PRKG1: variants seen among roughly 807,000 people sequenced by gnomAD.
PRKG1 encodes cGMP-dependent protein kinase 1.
PRKG1 carries 35 observed loss-of-function variants against 88.1 expected under a neutral mutation model. That is an observed-to-expected ratio of 0.40 (90% CI 0.30 to 0.53). PRKG1 has a LOEUF of 0.53. Among genes scored for constraint, PRKG1 ranks in the 20% least tolerant of loss-of-function variants. The pLI, the probability that PRKG1 is intolerant of heterozygous loss-of-function variation, is 0.59. For synonymous variants in PRKG1, 303 were observed against 292.5 expected (o/e 1.04, Z -0.37); for missense variants, 540 against 839.8 (o/e 0.64, Z 4.41).
chr10:52,168,300 T>G lies in PRKG1; in HGVS notation c.1076+6337T>G, dbSNP rs80019424. Among the ~76,000 whole-genome samples, 489 of 152,252 alleles carry G rather than the reference T, an allele frequency of 3.2e-3. 15 individuals are homozygous for G. The South Asian group carries it at 0.044, about 14-fold the overall frequency. ...CTGGCTAGGCAAGAATTAGTTGGTATTAGTTAAGCAAGGAGGTATGGAGAG... is the reference window on the plus strand; with the variant it reads ...CTGGCTAGGCAAGAATTAGTTGGTAGTAGTTAAGCAAGGAGGTATGGAGAG... On this transcript the variant is annotated intron_variant, in intron 9 of 17. Coordinates refer to ENST00000373980, the MANE Select transcript of PRKG1 (RefSeq NM_006258.4).
At chr10:52,229,486 G>A (rs992734495) in intron 9 of PRKG1, among the ~76,000 whole-genome samples, 10 of 152,152 alleles carry the variant, frequency 6.6e-5, no homozygotes, top group Admixed American at 6.5e-4. Context: ...TAAGCCCCAG[G>A]AAAATGGAAG....
intron 6 of PRKG1, among the ~76,000 whole-genome samples, chr10:52,060,159 G>A (rs1388849983): frequency 6.6e-6 from 1 of 151,860 alleles, no homozygotes; most frequent in Non-Finnish European, 1.5e-5. Flanking sequence ...ACTTGATTTA[G>A]GATGGCATGG....
chr10:51,001,883 T>C (rs1235332826), intron 1 of PRKG1, among the ~76,000 whole-genome samples: 1 of 152,200 alleles, frequency 6.6e-6, no homozygotes, highest in African/African-American at 2.4e-5. Flanking sequence ...TTAAAATATA[T>C]TGTCAAATAT....
In PRKG1 at chr10:51,546,510, T is replaced by C. The variant is rs555579270; in HGVS notation, c.592+78674T>C. On this transcript the variant is annotated intron_variant, in intron 3 of 17. Transcript: ENST00000373980. Reference sequence around the variant, plus strand: ...TTGAAATACTGGTTTGAAAATGTAATTGGTCTTTATTTAAACTGAGACAAG... The same window carrying C: ...TTGAAATACTGGTTTGAAAATGTAACTGGTCTTTATTTAAACTGAGACAAG... Among the ~76,000 whole-genome samples the C allele has an allele frequency of 2.0e-5, 3 of 152,208 alleles. No individual in the cohort carries two copies. In the South Asian group the frequency reaches 6.2e-4, roughly 32 times the overall value.
intron 5 of PRKG1, among the ~76,000 whole-genome samples, chr10:51,954,625 G>C (rs570063938): frequency 8.5e-4 from 129 of 152,256 alleles, no homozygotes; most frequent in African/African-American, 2.9e-3. Flanking sequence ...TCTGAACATA[G>C]ACGCCCACTT....
intron 2 of PRKG1, among the ~76,000 whole-genome samples, chr10:51,278,319 G>T (rs11595919): frequency 1.3e-5 from 2 of 152,032 alleles, no homozygotes. Flanking sequence ...TGATCATGTT[G>T]GATAAGCTTT....
chr10:51,480,643 A>G (rs1359968831), intron 3 of PRKG1, among the ~76,000 whole-genome samples: 1 of 152,144 alleles, frequency 6.6e-6, no homozygotes, highest in Non-Finnish European at 1.5e-5. Context: ...AGCAGCCGTG[A>G]ACCTTGACTT....
chr10:52,108,359 G>C (rs149109570), intron 7 of PRKG1, among the ~76,000 whole-genome samples: 2 of 152,200 alleles, frequency 1.3e-5, no homozygotes, highest in African/African-American at 4.8e-5. Flanking sequence ...AGAAATTCAT[G>C]TCTACATGTT....
rs527321520 is a variant in PRKG1 at position 52,018,980 on chromosome 10, G to T, written c.763-35504G>T. Reference sequence around the variant, plus strand: ...GCTTGGATAATTTATGAAGAAAAGGGTTCATTTTTCTTATGATTCTGGACA... The same window carrying T: ...GCTTGGATAATTTATGAAGAAAAGGTTTCATTTTTCTTATGATTCTGGACA... On this transcript the variant is annotated intron_variant, in intron 5 of 17. Coordinates refer to ENST00000373980, the MANE Select transcript of PRKG1 (RefSeq NM_006258.4). Among the ~76,000 whole-genome samples, 552 of 152,224 alleles carry T rather than the reference G, an allele frequency of 3.6e-3. 1 individual carries two copies. The highest frequency in any genetic ancestry group is 0.013 in the African/African-American group (538 of 41,564).
chr10:51,441,468 G>A (rs1839101965), intron 2 of PRKG1, among the ~76,000 whole-genome samples: 1 of 151,844 alleles, frequency 6.6e-6, no homozygotes, highest in Non-Finnish European at 1.5e-5. Flanking sequence ...CTAGCATCAA[G>A]TCCTGAATGC....
intron 1 of PRKG1, among the ~76,000 whole-genome samples, chr10:51,101,406 A>C (rs564696055): frequency 5.6e-4 from 85 of 152,264 alleles, no homozygotes; most frequent in African/African-American, 2.0e-3. Context: ...TGAGAAATAC[A>C]TCTCTGTTGT....
chr10:51,743,290 C>G lies in PRKG1; in HGVS notation c.593-61295C>G, dbSNP rs918262530. 3.9e-5 allele frequency among the ~76,000 whole-genome samples: 6 copies of G among 152,204 alleles called. No homozygotes were observed. The East Asian group carries it at 1.2e-3, about 29-fold the overall frequency. Reference sequence around the variant, plus strand: ...CAGAGTCCCCTGGGGATAGAATAGGCAGGAACCCAGATATGCTTTCTAGGG... The same window carrying G: ...CAGAGTCCCCTGGGGATAGAATAGGGAGGAACCCAGATATGCTTTCTAGGG... On this transcript the variant is annotated intron_variant, in intron 3 of 17. Coordinates refer to ENST00000373980, the MANE Select transcript of PRKG1 (RefSeq NM_006258.4).
At chr10:51,243,123 G>A (rs1839197914) in intron 2 of PRKG1, among the ~76,000 whole-genome samples, 2 of 152,098 alleles carry the variant, frequency 1.3e-5, no homozygotes, top group African/African-American at 4.8e-5. Flanking sequence ...GCTTTTTGGT[G>A]GGGGATTGTA....
At chr10:51,473,312 T>G (rs898581476) in intron 3 of PRKG1, among the ~76,000 whole-genome samples, 19 of 151,964 alleles carry the variant, frequency 1.3e-4, no homozygotes, top group African/African-American at 3.9e-4. Flanking sequence ...TCTCATTTTT[T>G]TTGTTGTTTA....
rs1847898759 is a variant in PRKG1 at position 52,124,965 on chromosome 10, T to C, written c.936-8875T>C. The stretch of plus-strand genomic sequence containing the variant: ...ACACACATGGAGCTGTTATCTTCTA[T>C]AACAATGCCTTTTTCTGGAATACCT... On this transcript the variant is annotated intron_variant, in intron 7 of 17. Coordinates refer to ENST00000373980, the MANE Select transcript of PRKG1 (RefSeq NM_006258.4). Among the ~76,000 whole-genome samples, 3 of 152,206 alleles carry C rather than the reference T, an allele frequency of 2.0e-5. No homozygotes were observed. In the Middle Eastern group the frequency reaches 0.01, roughly 518 times the overall value.
At chr10:51,464,816 G>A (rs113191813) in intron 2 of PRKG1, among the ~76,000 whole-genome samples, 70 of 149,032 alleles carry the variant, frequency 4.7e-4, no homozygotes, top group African/African-American at 1.5e-3. Context: ...GCGTGAACCC[G>A]GGAGGCGGAG....
At position 51,795,982 on chromosome 10, in the gene PRKG1, C is replaced by T. The variant is rs1839000518; in HGVS notation, c.593-8603C>T. Among the ~76,000 whole-genome samples, 3 of 152,058 alleles carry T rather than the reference C, an allele frequency of 2.0e-5. No homozygotes were observed. The South Asian group carries it at 6.2e-4, about 31-fold the overall frequency. On this transcript the variant is annotated intron_variant, in intron 3 of 17. Coordinates refer to ENST00000373980, the MANE Select transcript of PRKG1 (RefSeq NM_006258.4). ...CTTTTAAGAAATTTCAACTAATGTT[C>T]TACTGCAGGGGAAACATGTTCAGAC...
chr10:51,354,462 A>T (rs1842321780), intron 2 of PRKG1, among the ~76,000 whole-genome samples: 1 of 152,104 alleles, frequency 6.6e-6, no homozygotes, highest in Non-Finnish European at 1.5e-5. Context: ...AAAAATTATT[A>T]AAAAATAAAA....
chr10:51,906,098 C>T (rs1842079758), intron 4 of PRKG1, among the ~76,000 whole-genome samples: 1 of 152,088 alleles, frequency 6.6e-6, no homozygotes, highest in Non-Finnish European at 1.5e-5. Flanking sequence ...TGAATGTTTG[C>T]AGATCTGAAT....
Sources: allele counts gnomAD v4.1 joint callset (sites outside exome capture counted in the v4.1 genomes callset), GRCh38; gene constraint gnomAD v4.1.1; transcripts MANE v1.5; gene names NCBI Gene and HGNC (gene_info 2026-07-23, HGNC 2026-07-21).